Variants in RIMBP2 observed in about 807,000 individuals in gnomAD.
The protein encoded by RIMBP2 is RIMS binding protein 2.
A neutral mutation model predicts 118.6 loss-of-function variants in RIMBP2; 48 were observed. That is an observed-to-expected ratio of 0.40 (90% CI 0.32 to 0.51). The LOEUF is 0.51. Among genes scored for constraint, RIMBP2 ranks in the 20% least tolerant of loss-of-function variants. The probability of loss-of-function intolerance (pLI) is 0.41; values close to 1 mark genes in which losing one functional copy is unlikely to be tolerated. For missense variants in RIMBP2, 1,551 were observed against 1,768.3 expected (o/e 0.88, Z 2.20); for synonymous variants, 762 against 742.9 (o/e 1.03, Z -0.42).
At chr12:130,655,920 T>A (rs1566431376) in intron 1 of RIMBP2, among the ~76,000 whole-genome samples, 1 of 152,238 alleles carries the variant, frequency 6.6e-6, no homozygotes, top group East Asian at 1.9e-4. Flanking sequence ...AGAGGGAAGA[T>A]GCTGGGAGAG....
intron 6 of RIMBP2, among the ~76,000 whole-genome samples, chr12:130,468,514 C>T (rs150901908): frequency 1.4e-4 from 22 of 152,192 alleles, no homozygotes; most frequent in Non-Finnish European, 2.6e-4. Context: ...CACCATCCAA[C>T]TCAGAGGCGT....
chr12:130,467,680 A>C (rs2080612828), intron 6 of RIMBP2, among the ~76,000 whole-genome samples: 1 of 152,208 alleles, frequency 6.6e-6, no homozygotes, highest in African/African-American at 2.4e-5. Flanking sequence ...AGGTGAACCC[A>C]CTAGGCGGTT....
intron 3 of RIMBP2, among the ~76,000 whole-genome samples, chr12:130,508,401 TG>T (rs34030883): frequency 1.6e-4 from 24 of 152,058 alleles, no homozygotes; most frequent in African/African-American, 5.5e-4. Context: ...GCCACTATGC[TG>T]GGGACACCCT....
Position 130,621,002 on chromosome 12 carries a change from A to C in RIMBP2, c.-217+7320T>G, listed in dbSNP as rs549271610. 6.6e-6 allele frequency among the ~76,000 whole-genome samples: 1 copy of C among 152,120 alleles called. No individual in the cohort carries two copies. The highest frequency in any genetic ancestry group is 6.5e-5 in the Admixed American group (1 of 15,272). Reference sequence around the variant, plus strand: ...TACATTAGCCATGGGCGGGCGAGCAACCTGCCTTGAGATCTGGCTGAATGG... The same window carrying C: ...TACATTAGCCATGGGCGGGCGAGCACCCTGCCTTGAGATCTGGCTGAATGG... On this transcript the variant is annotated intron_variant, in intron 2 of 22. Coordinates refer to ENST00000690449, the MANE Select transcript of RIMBP2 (RefSeq NM_001393629.1). This position sits in a 1 kb window ranked among gnomAD's most constrained non-coding sequence, Gnocchi z 6.6.
In RIMBP2 at chr12:130,525,797, C is replaced by T. The variant is rs187423897; in HGVS notation, c.-216-7880G>A. On this transcript the variant is annotated intron_variant, in intron 2 of 22. Transcript: ENST00000690449. This position sits in a 1 kb window ranked among gnomAD's most constrained non-coding sequence, Gnocchi z 4.4. ...GAACCAACATAAGCTCTTTGCTTTC[C>T]TCCTCTTCTTTGTGAAATCTCATCC... Among the ~76,000 whole-genome samples, 397 of 152,308 alleles carry T rather than the reference C, an allele frequency of 2.6e-3. 1 individual carries two copies. Among genetic ancestry groups the T allele is most frequent in the African/African-American group, 9.3e-3 (386 of 41,564 alleles).
chr12:130,428,116 A>C, intron 15 of RIMBP2, 63 bp downstream of exon 15: 1 of 1,458,210 alleles, frequency 6.9e-7, no homozygotes, highest in Non-Finnish European at 9.2e-7. Context: ...AGCCCCAGCA[A>C]AGGGACGTGG....
intron 2 of RIMBP2, among the ~76,000 whole-genome samples, chr12:130,555,805 G>A (rs573324865): frequency 6.6e-5 from 10 of 152,340 alleles, no homozygotes; most frequent in African/African-American, 2.2e-4. Context: ...GAGGGAGATT[G>A]TCCGAGACCT....
Position 130,525,079 on chromosome 12 carries a change from G to A in RIMBP2, c.-216-7162C>T, listed in dbSNP as rs1177637340. Among the ~76,000 whole-genome samples, 2 of 152,216 alleles carry A rather than the reference G, an allele frequency of 1.3e-5. No individual in the cohort carries two copies. The highest frequency in any genetic ancestry group is 2.9e-5 in the Non-Finnish European group (2 of 68,034). On this transcript the variant is annotated intron_variant, in intron 2 of 22. Transcript: ENST00000690449. The surrounding 1 kb of genome is among the most constrained non-coding windows in gnomAD (Gnocchi z 4.4). The stretch of plus-strand genomic sequence containing the variant: ...GTTGCACTGATACCGACACCACTTT[G>A]AGTCACAGGAGGGGAGGAGCTCTCA...
chr12:130,612,912 C>T (rs904736917), intron 2 of RIMBP2, among the ~76,000 whole-genome samples: 3 of 151,002 alleles, frequency 2.0e-5, no homozygotes, highest in Admixed American at 6.6e-5. Context: ...CCCCCTCCCC[C>T]AAGTCCAGGA....
intron 4 of RIMBP2, among the ~76,000 whole-genome samples, chr12:130,480,215 A>G (rs1369508962): frequency 8.6e-5 from 13 of 151,884 alleles, no homozygotes; most frequent in African/African-American, 2.9e-4. Flanking sequence ...ACACACACAC[A>G]CACACACACA....
At chr12:130,470,322 C>T (rs186167943) in intron 6 of RIMBP2, 199 of 190,484 alleles carry the variant, frequency 1.0e-3, no homozygotes, top group African/African-American at 4.3e-3. Context: ...GAAGGTCCAC[C>T]GGCCTTTACC....
chr12:130,646,209 CCCTCTCCACCTCCCTCACCACCTG>C (rs1466325393), intron 1 of RIMBP2, among the ~76,000 whole-genome samples: 6 of 73,476 alleles, frequency 8.2e-5, no homozygotes, highest in African/African-American at 1.4e-4. Context: ...CTCTCCACCT[CCCTCTCCACCTCCCTCACCACCTG>C]CCTCTCCACC....
chr12:130,697,594 G>T (rs1196326639), intron 1 of RIMBP2, among the ~76,000 whole-genome samples: 2 of 152,180 alleles, frequency 1.3e-5, no homozygotes, highest in African/African-American at 4.8e-5. Context: ...AGTTCAGGGA[G>T]GAATATTCTG....
chr12:130,442,755 G>T lies in RIMBP2; in HGVS notation c.692-95C>A. 1.8e-6 allele frequency: 2 copies of T among 1,087,286 alleles called. No homozygotes were observed. The highest frequency in any genetic ancestry group is 2.6e-6 in the Non-Finnish European group (2 of 759,344). 67.4% of individuals were successfully genotyped at this position (1,087,286 alleles called of 1,614,324 possible). A position where few individuals can be genotyped will look rare whatever the true frequency, so the allele number is the denominator to read the frequency against. ...CCACCTCCCCCACCAGGACCATAAG[G>T]CAGAGCAACAGGGTTGCCCTGGGGC... On this transcript the variant is annotated intron_variant, in intron 10 of 22. Coordinates refer to ENST00000690449, the MANE Select transcript of RIMBP2 (RefSeq NM_001393629.1). The surrounding 1 kb of genome is among the most constrained non-coding windows in gnomAD (Gnocchi z 6.9).
intron 1 of RIMBP2, among the ~76,000 whole-genome samples, chr12:130,649,294 G>C (rs2063122564): frequency 1.8e-5 from 2 of 109,520 alleles, no homozygotes; most frequent in African/African-American, 2.8e-5. Context: ...TCAGCGGAGA[G>C]ATGAGTGCTC....
chr12:130,644,262 G>T (rs1318726186), intron 1 of RIMBP2, among the ~76,000 whole-genome samples: 1 of 152,200 alleles, frequency 6.6e-6, no homozygotes, highest in Non-Finnish European at 1.5e-5. Context: ...AAGGCAGAGA[G>T]GGTGCTGTGA....
chr12:130,602,659 G>A (rs1316608329), intron 2 of RIMBP2, among the ~76,000 whole-genome samples: 1 of 152,186 alleles, frequency 6.6e-6, no homozygotes, highest in Non-Finnish European at 1.5e-5. Context: ...ATTGTCTGAT[G>A]CGTAAGTAAC....
intron 4 of RIMBP2, among the ~76,000 whole-genome samples, chr12:130,498,970 G>A (rs1349562727): frequency 6.6e-6 from 1 of 152,206 alleles, no homozygotes; most frequent in Non-Finnish European, 1.5e-5. Flanking sequence ...CTAAAACTGA[G>A]TAATTTGTGA....
At chr12:130,599,173 C>T (rs762204175) in intron 2 of RIMBP2, among the ~76,000 whole-genome samples, 23 of 152,114 alleles carry the variant, frequency 1.5e-4, no homozygotes, top group African/African-American at 3.6e-4. Context: ...CAAAAATTAA[C>T]GCAAAATAGA....
Sources: allele counts gnomAD v4.1 joint callset (sites outside exome capture counted in the v4.1 genomes callset), GRCh38; gene constraint gnomAD v4.1.1; non-coding constraint Gnocchi (gnomAD v3.1); transcripts MANE v1.5; gene names NCBI Gene and HGNC (gene_info 2026-07-23, HGNC 2026-07-21).